Variants in SUGCT observed in about 807,000 individuals in gnomAD.
SUGCT encodes succinyl-CoA:glutarate CoA-transferase.
SUGCT carries 41 observed loss-of-function variants against 55.0 expected under a neutral mutation model. The ratio of observed to expected loss-of-function variants is 0.74; its 90% CI spans 0.58 to 0.97. The LOEUF is 0.97. SUGCT is among the 50% of genes least tolerant of loss of function. The pLI is 0.00. For synonymous variants in SUGCT, 187 were observed against 200.4 expected (o/e 0.93, Z 0.56); for missense variants, 568 against 547.8 (o/e 1.04, Z -0.37).
the SUGCT span, among the ~76,000 whole-genome samples, chr7:41,028,251 C>A: frequency 1.3e-5 from 2 of 152,160 alleles, no homozygotes; most frequent in African/African-American, 2.4e-5. Flanking sequence ...GAAGTTGAGA[C>A]CCTGGATATG....
chr7:40,464,711 C>G (rs1479922059), intron 11 of SUGCT, among the ~76,000 whole-genome samples: 1 of 152,172 alleles, frequency 6.6e-6, no homozygotes, highest in Admixed American at 6.5e-5. Flanking sequence ...CTGGCATGTG[C>G]CTGTAGTCCC....
chr7:40,890,582 C>T, the SUGCT span, among the ~76,000 whole-genome samples: 1 of 151,984 alleles, frequency 6.6e-6, no homozygotes, highest in Non-Finnish European at 1.5e-5. Context: ...CCTGCTGACT[C>T]AGGCATCAGG....
intron 13 of SUGCT, among the ~76,000 whole-genome samples, chr7:40,788,941 G>GCTC (rs1790174394): frequency 6.6e-6 from 1 of 152,156 alleles, no homozygotes; most frequent in Non-Finnish European, 1.5e-5. Context: ...TAGAGCACAG[G>GCTC]CTCCTGGCTG....
intron 8 of SUGCT, among the ~76,000 whole-genome samples, chr7:40,286,742 T>C (rs941839100): frequency 1.3e-5 from 2 of 152,184 alleles, no homozygotes; most frequent in Admixed American, 6.5e-5. Flanking sequence ...AGAATAAACA[T>C]TGGGTGTGGC....
At chr7:40,585,861 G>A (rs1285081086) in intron 12 of SUGCT, among the ~76,000 whole-genome samples, 1 of 151,980 alleles carries the variant, frequency 6.6e-6, no homozygotes. Context: ...TGTATTTTTT[G>A]TAGAGATGAG....
At chr7:40,372,304 A>T (rs773888053) in intron 9 of SUGCT, among the ~76,000 whole-genome samples, 1 of 152,078 alleles carries the variant, frequency 6.6e-6, no homozygotes, top group Non-Finnish European at 1.5e-5. Context: ...AATGTACTGC[A>T]GATCTTAGAC....
chr7:40,385,501 A>G (rs948190357), intron 9 of SUGCT, among the ~76,000 whole-genome samples: 1 of 152,204 alleles, frequency 6.6e-6, no homozygotes, highest in African/African-American at 2.4e-5. Flanking sequence ...TGCTCGTAAG[A>G]GAATGGCATT....
Position 40,177,770 on chromosome 7 carries a change from G to A in SUGCT, c.101-3177G>A, listed in dbSNP as rs1584262867. On this transcript the variant is annotated intron_variant, in intron 1 of 13. Transcript: ENST00000335693. ...TTTTTGTATTTTATTTTATTTTTGA[G>A]ATGGAGTCTCCCTGTGTTGCCCAGG... Among the ~76,000 whole-genome samples, 3 of 152,006 alleles carry A rather than the reference G, an allele frequency of 2.0e-5. No individual in the cohort carries two copies. In the South Asian group the frequency reaches 6.2e-4, roughly 31 times the overall value.
At chr7:40,904,808 A>G in the SUGCT span, among the ~76,000 whole-genome samples, 1 of 152,232 alleles carries the variant, frequency 6.6e-6, no homozygotes, top group South Asian at 2.1e-4. Context: ...ATGTATATGT[A>G]TATATGTGTG....
chr7:40,557,695 C>T (rs1162661421), intron 12 of SUGCT, among the ~76,000 whole-genome samples: 1 of 151,560 alleles, frequency 6.6e-6, no homozygotes. Flanking sequence ...ATCACTTGCA[C>T]CCAGGAGGCG....
chr7:40,676,509 T>G (rs1236126478), intron 12 of SUGCT, among the ~76,000 whole-genome samples: 6 of 150,634 alleles, frequency 4.0e-5, no homozygotes, highest in African/African-American at 1.2e-4. Flanking sequence ...TTTTTGTTTT[T>G]TTTTTTTTTT....
intron 12 of SUGCT, among the ~76,000 whole-genome samples, chr7:40,697,918 A>C (rs1012726395): frequency 1.1e-4 from 16 of 152,208 alleles, no homozygotes; most frequent in Non-Finnish European, 2.4e-4. Context: ...GAGAATACCC[A>C]GCAGAGAAGT....
intron 13 of SUGCT, among the ~76,000 whole-genome samples, chr7:40,770,660 A>G (rs1346056422): frequency 6.6e-6 from 1 of 152,198 alleles, no homozygotes; most frequent in African/African-American, 2.4e-5. Flanking sequence ...GAAGAGTGGC[A>G]TCTTCCCTAC....
At chr7:40,937,238 G>A in the SUGCT span, among the ~76,000 whole-genome samples, 26 of 152,062 alleles carry the variant, frequency 1.7e-4, no homozygotes, top group Admixed American at 5.2e-4. Flanking sequence ...GCTCAATCTC[G>A]GCTCACTGCA....
At chr7:40,772,554 CTATCTATCTGG>C (rs1185599805) in intron 13 of SUGCT, among the ~76,000 whole-genome samples, 5 of 138,182 alleles carry the variant, frequency 3.6e-5, no homozygotes, top group South Asian at 2.2e-4. Context: ...ATCTATCTAT[CTATCTATCTGG>C]TGTTATCTAT....
chr7:40,433,454 C>T (rs1788012720), intron 9 of SUGCT, among the ~76,000 whole-genome samples: 2 of 151,900 alleles, frequency 1.3e-5, no homozygotes, highest in South Asian at 2.1e-4. Context: ...GTTGCTTAGT[C>T]CATATCTCTA....
At chr7:40,930,752 G>A in the SUGCT span, among the ~76,000 whole-genome samples, 49 of 152,256 alleles carry the variant, frequency 3.2e-4, no homozygotes, top group East Asian at 8.1e-3. Flanking sequence ...GAATGCCTGT[G>A]ATTTTTGCAC....
intron 12 of SUGCT, among the ~76,000 whole-genome samples, chr7:40,677,023 G>A (rs527672735): frequency 7.2e-5 from 11 of 151,808 alleles, no homozygotes; most frequent in African/African-American, 2.4e-4. Context: ...TAAATGTTCC[G>A]AAACGTATGT....
intron 3 of SUGCT, among the ~76,000 whole-genome samples, chr7:40,183,922 C>T (rs1477401333): frequency 6.6e-6 from 1 of 152,046 alleles, no homozygotes; most frequent in Non-Finnish European, 1.5e-5. Context: ...GCCTGTAGTC[C>T]CAACATTTTG....
Sources: gnomAD v4.1 joint callset for allele counts (sites outside exome capture counted in the v4.1 genomes callset) on GRCh38, gnomAD v4.1.1 for gene constraint, MANE v1.5 for transcripts, NCBI Gene and HGNC (gene_info 2026-07-23, HGNC 2026-07-21) for gene names.